The following ZNF705G variants were observed in gnomAD, a reference collection of about 807,000 sequenced individuals.
ZNF705G encodes the protein putative zinc finger protein 705G.
In ZNF705G, 23 loss-of-function variants were observed where a neutral mutation model predicts 19.6. The ratio of observed to expected loss-of-function variants is 1.17; its 90% CI spans 0.84 to 1.66. The LOEUF is 1.66. ZNF705G is among the 40% of genes most tolerant of loss of function. ZNF705G has a pLI of 0.00. For synonymous variants in ZNF705G, 146 were observed against 117.7 expected, an observed-to-expected ratio of 1.24 and a Z score of -1.56; for missense variants, 457 against 354.4, an observed-to-expected ratio of 1.29 and a Z score of -2.32.
intron 1 of ZNF705G, among the ~76,000 whole-genome samples, chr8:7,383,415 C>A (rs1407394964): frequency 6.8e-6 from 1 of 146,418 alleles, no homozygotes; most frequent in Non-Finnish European, 1.5e-5. Flanking sequence ...AAGTAACAGG[C>A]ACTGTCTGAT....
rs1563286827 is a variant in ZNF705G at position 7,357,192 on chromosome 8, T to A, written c.*784A>T. On this transcript the variant is annotated 3_prime_UTR_variant, in exon 7 of 7. Coordinates refer to ENST00000400156, the MANE Select transcript of ZNF705G (RefSeq NM_001164457.3). ...AGTGAGAAATCTCACATGTGCCACA[T>A]GTGTTGCTCTATGAAGAAAGGATTT... 1 of 150,816 alleles carries A rather than the reference T, an allele frequency of 6.6e-6. No individual in the cohort carries two copies. The highest frequency in any genetic ancestry group is 1.5e-5 in the Non-Finnish European group (1 of 68,194). The allele number at this position is 150,816 out of a possible 1,614,324, so 9.3% of individuals were successfully genotyped here.
At chr8:7,370,175 G>A (rs1378141219) in intron 2 of ZNF705G, among the ~76,000 whole-genome samples, 1 of 148,080 alleles carries the variant, frequency 6.8e-6, no homozygotes, top group East Asian at 1.9e-4. Context: ...GGAGGCTGAG[G>A]CAGGAGAATG....
chr8:7,382,399 G>A (rs1365818803), intron 1 of ZNF705G, among the ~76,000 whole-genome samples: 1 of 146,564 alleles, frequency 6.8e-6, no homozygotes, highest in Non-Finnish European at 1.5e-5. Context: ...TGGCTCTGAG[G>A]TTTGGTGCCT....
At chr8:7,383,888 A>T (rs1020299876) in intron 1 of ZNF705G, among the ~76,000 whole-genome samples, 1 of 144,042 alleles carries the variant, frequency 6.9e-6, no homozygotes, top group Non-Finnish European at 1.5e-5. Context: ...TTACTTTTTA[A>T]TAGCATCCCA....
chr8:7,359,433 C>T (rs1228941963), intron 6 of ZNF705G, among the ~76,000 whole-genome samples, 186 bp downstream of exon 6: 1 of 149,600 alleles, frequency 6.7e-6, no homozygotes, highest in Non-Finnish European at 1.5e-5. Context: ...TTTTAGAGAT[C>T]TCATGTTATG....
chr8:7,369,505 G>T (rs1807003037), intron 2 of ZNF705G, among the ~76,000 whole-genome samples: 1 of 149,524 alleles, frequency 6.7e-6, no homozygotes, highest in Non-Finnish European at 1.5e-5. Flanking sequence ...AAAAGCTGCA[G>T]GCACTCAACA....
intron 2 of ZNF705G, among the ~76,000 whole-genome samples, chr8:7,365,879 A>C (rs191557954): frequency 6.7e-6 from 1 of 149,688 alleles, no homozygotes; most frequent in Admixed American, 6.6e-5. Flanking sequence ...ACAGATCTTC[A>C]GTAAAAATAA....
chr8:7,365,365 GTCTC>G (rs1480057409), intron 2 of ZNF705G, among the ~76,000 whole-genome samples: 26 of 145,402 alleles, frequency 1.8e-4, no homozygotes, highest in East Asian at 5.9e-4. Flanking sequence ...CCCTCCAGAT[GTCTC>G]TCTCTATTTT....
At chr8:7,364,738 T>C (rs1806780676) in intron 2 of ZNF705G, among the ~76,000 whole-genome samples, 1 of 149,440 alleles carries the variant, frequency 6.7e-6, no homozygotes. Flanking sequence ...ATCAACTTTT[T>C]TCTTATTCCT....
At chr8:7,370,385 A>G (rs1454448897) in intron 2 of ZNF705G, among the ~76,000 whole-genome samples, 1 of 149,748 alleles carries the variant, frequency 6.7e-6, no homozygotes, top group African/African-American at 2.6e-5. Context: ...GGGGGATGTA[A>G]ATAAAAACCA....
At chr8:7,365,787 G>T (rs1448042149) in intron 2 of ZNF705G, among the ~76,000 whole-genome samples, 1 of 149,602 alleles carries the variant, frequency 6.7e-6, no homozygotes, top group East Asian at 1.9e-4. Flanking sequence ...GCCCTTTCAC[G>T]GCTATTTAGA....
rs1387562604 is a variant in ZNF705G, at chr8:7,357,232, T to C, written c.*744A>G. On this transcript the variant is annotated 3_prime_UTR_variant, in exon 7 of 7. Transcript: ENST00000400156. The stretch of plus-strand genomic sequence containing the variant: ...AGAAAGGATTTCTCATGATTTTTCA[T>C]TGCATAACTTCTCCAGTAAGAAGTA... 3 of 150,972 alleles carry C rather than the reference T, an allele frequency of 2.0e-5. No homozygotes were observed. The highest frequency in any genetic ancestry group is 4.4e-5 in the Non-Finnish European group (3 of 68,424). The allele number at this position is 150,972 out of a possible 1,614,324, so 9.4% of individuals were successfully genotyped here.
At chr8:7,364,606 A>AC (rs1334192034) in intron 2 of ZNF705G, among the ~76,000 whole-genome samples, 1 of 149,488 alleles carries the variant, frequency 6.7e-6, no homozygotes, top group Admixed American at 6.6e-5. Context: ...TACTCCCCTA[A>AC]CCAACGTTCT....
rs1030417749 is a variant in ZNF705G at position 7,384,571 on chromosome 8, C to T, written c.-222+927G>A. Among the ~76,000 whole-genome samples the T allele has an allele frequency of 1.9e-4, 28 of 146,030 alleles. 6 individuals are homozygous for T. The highest frequency in any genetic ancestry group is 7.9e-4 in the African/African-American group (28 of 35,574). ...TGAAATCACACAAGATACTACTTTC[C>T]TCCATAAAGCCTGGAATGTCTCAAA... On this transcript the variant is annotated intron_variant, in intron 1 of 6. Transcript: ENST00000400156.
At chr8:7,383,444 C>G (rs1341329746) in intron 1 of ZNF705G, among the ~76,000 whole-genome samples, 1 of 146,396 alleles carries the variant, frequency 6.8e-6, no homozygotes, top group South Asian at 2.1e-4. Context: ...TTCCTCAGCC[C>G]CTGAGAAGTA....
chr8:7,359,187 G>A (rs1436629680), intron 6 of ZNF705G, among the ~76,000 whole-genome samples: 1 of 149,532 alleles, frequency 6.7e-6, no homozygotes, highest in Non-Finnish European at 1.5e-5. Flanking sequence ...CATCTTTGGA[G>A]AAAGGCATAC....
chr8:7,365,810 A>T (rs1806830405), intron 2 of ZNF705G, among the ~76,000 whole-genome samples: 1 of 149,580 alleles, frequency 6.7e-6, no homozygotes, highest in South Asian at 2.1e-4. Context: ...CAACTTAGTG[A>T]AGTATTAGGA....
At chr8:7,361,076 C>A (rs757186624) in intron 4 of ZNF705G, 34 bp downstream of exon 4, 1 of 1,592,692 alleles carries the variant, frequency 6.3e-7, no homozygotes, top group Admixed American at 1.7e-5. Context: ...GTGAATGTGT[C>A]TCTACATATG....
chr8:7,358,157 A>G lies in ZNF705G; in HGVS notation c.722T>C (p.Phe241Ser), dbSNP rs758748499. 3 of 1,607,384 alleles carry G rather than the reference A, an allele frequency of 1.9e-6. No homozygotes were observed. The African/African-American group carries it at 4.2e-5, about 23-fold the overall frequency. ...HQYGKVFIQS[F>S]NLQRHERTHL... is the part of the protein sequence containing the mutation. ...AGTTCTCTCATGTCTTTGAAGGTTA[A>G]AGGATTGAATAAAGACTTTCCCATA... The change falls in exon 7 of 7, where the codon TTT (phenylalanine) becomes TCT (serine). Residue 241 changes from phenylalanine (F) to serine (S), a missense_variant. By Grantham distance (155) the Phe-to-Ser change is radical. Coordinates refer to ENST00000400156, the MANE Select transcript of ZNF705G (RefSeq NM_001164457.3).
Sources: allele counts gnomAD v4.1 joint callset (sites outside exome capture counted in the v4.1 genomes callset), GRCh38; gene constraint gnomAD v4.1.1; transcripts MANE v1.5; gene names NCBI Gene and HGNC (gene_info 2026-07-23, HGNC 2026-07-21).